The following ESYT2 variants were observed in gnomAD, a reference collection of about 807,000 sequenced individuals.
ESYT2 encodes the protein extended synaptotagmin 2, also known as extended synaptotagmin-2.
A neutral mutation model predicts 107.2 loss-of-function variants in ESYT2; 54 were observed. The observed-to-expected ratio is 0.50, with a 90% CI of 0.40 to 0.63. The LOEUF (loss-of-function observed/expected upper bound fraction) is 0.63, where lower values mean the gene tolerates loss of function less well. ESYT2 is among the 30% of genes least tolerant of loss of function. ESYT2 has a pLI of 0.00. For missense variants in ESYT2, 1,020 were observed against 1,094.5 expected, an observed-to-expected ratio of 0.93 and a Z score of 0.96; for synonymous variants, 491 against 434.1, an observed-to-expected ratio of 1.13 and a Z score of -1.63.
intron 10 of ESYT2, among the ~76,000 whole-genome samples, chr7:158,761,772 G>A (rs1280058136): frequency 6.6e-6 from 1 of 152,116 alleles, no homozygotes; most frequent in Admixed American, 6.5e-5. Flanking sequence ...GGAAGAGTGA[G>A]GTGGAGTTTC....
intron 16 of ESYT2, chr7:158,744,340 C>T (rs544671720): frequency 7.9e-5 from 12 of 152,240 alleles, no homozygotes; most frequent in South Asian, 4.1e-4. Flanking sequence ...CCAATCGGTT[C>T]GGAGAACCCT....
chr7:158,782,596 G>C (rs1455809106), intron 6 of ESYT2, among the ~76,000 whole-genome samples: 3 of 151,698 alleles, frequency 2.0e-5, no homozygotes, highest in Non-Finnish European at 4.4e-5. Flanking sequence ...GAGTGTGAAG[G>C]AACAAGAGCG....
intron 6 of ESYT2, among the ~76,000 whole-genome samples, chr7:158,781,849 AAAGT>A (rs1584840813): frequency 6.7e-6 from 1 of 149,258 alleles, no homozygotes; most frequent in Admixed American, 6.7e-5. Context: ...GTGTGTGAAC[AAAGT>A]GAGGTGTAAG....
intron 4 of ESYT2, among the ~76,000 whole-genome samples, chr7:158,789,536 AG>A (rs1175108332): frequency 6.6e-6 from 1 of 152,056 alleles, no homozygotes; most frequent in African/African-American, 2.4e-5. Flanking sequence ...TTGTATTTTT[AG>A]TAGAGATGGG....
intron 1 of ESYT2, among the ~76,000 whole-genome samples, chr7:158,812,876 C>A (rs529826733): frequency 6.6e-6 from 1 of 152,126 alleles, no homozygotes; most frequent in African/African-American, 2.4e-5. Flanking sequence ...ATATCCAGAA[C>A]AGGTAAACCC....
chr7:158,785,930 C>A (rs905814915), intron 6 of ESYT2, among the ~76,000 whole-genome samples: 7 of 152,020 alleles, frequency 4.6e-5, no homozygotes, highest in African/African-American at 1.7e-4. Context: ...TTTAAAAAAC[C>A]CACAAAATAA....
intron 3 of ESYT2, among the ~76,000 whole-genome samples, chr7:158,795,709 T>C (rs1839437544): frequency 6.6e-6 from 1 of 151,840 alleles, no homozygotes; most frequent in Admixed American, 6.6e-5. Flanking sequence ...TAACTTGTAA[T>C]TGTGTTTTTT....
chr7:158,733,375 T>C lies in ESYT2; in HGVS notation c.*832A>G, dbSNP rs1346506619. The C allele has an allele frequency of 2.6e-5, 4 of 152,244 alleles. No homozygotes were observed. The highest frequency in any genetic ancestry group is 4.4e-5 in the Non-Finnish European group (3 of 68,048). The allele number at this position is 152,244 out of a possible 1,614,324, so 9.4% of individuals were successfully genotyped here. A position where few individuals can be genotyped will look rare whatever the true frequency, so the allele number is the denominator to read the frequency against. On this transcript the variant is annotated 3_prime_UTR_variant, in exon 23 of 23. Transcript: ENST00000275418. ...AGCTTAATTGCTAACATTGAAAGTC[T>C]GCTCTTACAGTTGAGGAAAAGTACA...
intron 16 of ESYT2, among the ~76,000 whole-genome samples, chr7:158,745,483 A>C (rs1278328472): frequency 2.6e-5 from 4 of 152,256 alleles, no homozygotes; most frequent in African/African-American, 9.6e-5. Flanking sequence ...GAGCAATGGC[A>C]ATGCCACCAA....
At position 158,811,285 on chromosome 7, in the gene ESYT2, CAAGT is replaced by C. The variant is rs532467419; in HGVS notation, c.331-12217_331-12214del. On this transcript the variant is annotated intron_variant, in intron 1 of 22. Transcript: ENST00000275418. ...ATACTTCCCCAAATAATAACAGAAC[CAAGT>C]AAGTAGAGCCAGAGGACCCAAAGTA... Among the ~76,000 whole-genome samples, 16 of 152,230 alleles carry C rather than the reference CAAGT, an allele frequency of 1.1e-4. No homozygotes were observed. The East Asian group carries it at 2.7e-3, about 26-fold the overall frequency.
At chr7:158,800,650 C>A (rs1839609380) in intron 1 of ESYT2, among the ~76,000 whole-genome samples, 1 of 152,026 alleles carries the variant, frequency 6.6e-6, no homozygotes, top group African/African-American at 2.4e-5. Context: ...TCAGCCTCCC[C>A]CTGTGTTGGA....
chr7:158,777,633 C>A (rs996933666), intron 6 of ESYT2, among the ~76,000 whole-genome samples: 6 of 152,144 alleles, frequency 3.9e-5, no homozygotes, highest in African/African-American at 1.4e-4. Flanking sequence ...ACATGCAGAA[C>A]CTTGAGTCAA....
chr7:158,807,798 T>C (rs1839875826), intron 1 of ESYT2, among the ~76,000 whole-genome samples: 1 of 152,200 alleles, frequency 6.6e-6, no homozygotes, highest in Non-Finnish European at 1.5e-5. Context: ...TCACTGAAAT[T>C]TGAATTTCAT....
chr7:158,734,030 AT>A lies in ESYT2; in HGVS notation c.*176del. On this transcript the variant is annotated 3_prime_UTR_variant, in exon 23 of 23. Transcript: ENST00000275418. The stretch of plus-strand genomic sequence containing the variant: ...TCCTAGAGGAAATCCAACACAGAAA[AT>A]TCAATGATAATATTGGCCAAATTTG... 1.4e-6 allele frequency: 1 copy of A among 710,308 alleles called. No individual in the cohort carries two copies. The highest frequency in any genetic ancestry group is 2.3e-6 in the Non-Finnish European group (1 of 439,640). 44.0% of individuals were successfully genotyped at this position (710,308 alleles called of 1,614,324 possible).
At position 158,779,008 on chromosome 7, in the gene ESYT2, A is replaced by G. The variant is rs1838670703; in HGVS notation, c.748-5612T>C. Among the ~76,000 whole-genome samples, 6 of 152,266 alleles carry G rather than the reference A, an allele frequency of 3.9e-5. No individual in the cohort carries two copies. The South Asian group carries it at 1.2e-3, about 32-fold the overall frequency. On this transcript the variant is annotated intron_variant, in intron 6 of 22. Transcript: ENST00000275418. ...AAAGGCCTGGGAGGGCACTGACATA[A>G]TGTTTTGCTAGATTTTAAATGATAA... is the stretch of plus-strand genomic sequence containing the variant.
intron 1 of ESYT2, among the ~76,000 whole-genome samples, chr7:158,828,791 C>T (rs1840534876): frequency 6.9e-6 from 1 of 144,830 alleles, no homozygotes; most frequent in African/African-American, 2.5e-5. Flanking sequence ...CCCTAGCGGG[C>T]AGGTCGCCAG....
intron 15 of ESYT2, among the ~76,000 whole-genome samples, chr7:158,748,753 C>G (rs1187521495): frequency 6.6e-6 from 1 of 150,714 alleles, no homozygotes; most frequent in Admixed American, 6.6e-5. Context: ...CAGAGTCTTG[C>G]TCTGTCGCCA....
In ESYT2 at chr7:158,829,461, G is replaced by C; in HGVS notation, c.-43C>G. On this transcript the variant is annotated 5_prime_UTR_variant, in exon 1 of 23. Transcript: ENST00000275418. ...CTGCCCTCCCGGCCGAGGCGGGCTG[G>C]GTGCTCGCGCTGATCCCGGGCGGCT... The C allele has an allele frequency of 1.7e-6, 2 of 1,204,064 alleles. No individual in the cohort carries two copies. 74.6% of individuals were successfully genotyped at this position (1,204,064 alleles called of 1,614,324 possible).
chr7:158,802,799 T>C (rs1331896306), intron 1 of ESYT2, among the ~76,000 whole-genome samples: 2 of 152,344 alleles, frequency 1.3e-5, no homozygotes, highest in South Asian at 2.1e-4. Flanking sequence ...GCATTGCTGA[T>C]TTAATACCTT....
Sources: allele counts gnomAD v4.1 joint callset (sites outside exome capture counted in the v4.1 genomes callset), GRCh38; gene constraint gnomAD v4.1.1; transcripts MANE v1.5; gene names NCBI Gene and HGNC (gene_info 2026-07-23, HGNC 2026-07-21).